CADM2: variants seen among roughly 807,000 people sequenced by gnomAD.
The protein encoded by CADM2 is cell adhesion molecule 2, also known as immunoglobulin superfamily member 4D.
A neutral mutation model predicts 49.8 loss-of-function variants in CADM2; 12 were observed. The ratio of observed to expected loss-of-function variants is 0.24; its 90% CI spans 0.15 to 0.39. CADM2 has a LOEUF of 0.39. Among genes scored for constraint, CADM2 ranks in the 10% least tolerant of loss-of-function variants. The pLI is 1.00. For missense variants in CADM2, 378 were observed against 492.3 expected (o/e 0.77, Z 2.20); for synonymous variants, 214 against 175.4 (o/e 1.22, Z -1.74).
At chr3:85,304,255 C>T (rs1027879309) in intron 1 of CADM2, among the ~76,000 whole-genome samples, 3 of 151,660 alleles carry the variant, frequency 2.0e-5, no homozygotes, top group Non-Finnish European at 1.5e-5. Context: ...TTATTCTTAC[C>T]GTACTCCTTC....
chr3:85,549,448 C>G (rs2061745709), intron 1 of CADM2, among the ~76,000 whole-genome samples: 1 of 152,040 alleles, frequency 6.6e-6, no homozygotes, highest in African/African-American at 2.4e-5. Context: ...ATAACAAGAA[C>G]TATAGATATC....
At chr3:86,052,705 G>C (rs1046293659) in intron 8 of CADM2, among the ~76,000 whole-genome samples, 1 of 151,860 alleles carries the variant, frequency 6.6e-6, no homozygotes, top group Non-Finnish European at 1.5e-5. Context: ...TTTTGTTATA[G>C]GCTTAGTTAG....
At chr3:85,479,271 A>G (rs2039111015) in intron 1 of CADM2, among the ~76,000 whole-genome samples, 1 of 151,894 alleles carries the variant, frequency 6.6e-6, no homozygotes, top group African/African-American at 2.4e-5. Context: ...GTATGAAAAT[A>G]TAACTACTTG....
intron 1 of CADM2, among the ~76,000 whole-genome samples, chr3:85,668,866 C>T (rs2065653221): frequency 6.6e-6 from 1 of 152,068 alleles, no homozygotes; most frequent in Non-Finnish European, 1.5e-5. Flanking sequence ...TGCAATGTCT[C>T]TGGATATTCA....
chr3:85,585,815 A>G (rs1365273794), intron 1 of CADM2, among the ~76,000 whole-genome samples: 1 of 152,032 alleles, frequency 6.6e-6, no homozygotes. Flanking sequence ...TGTTTTAGCC[A>G]GCTGAGCCCT....
At chr3:85,885,035 A>G (rs1016210530) in intron 4 of CADM2, among the ~76,000 whole-genome samples, 1 of 151,736 alleles carries the variant, frequency 6.6e-6, no homozygotes, top group African/African-American at 2.4e-5. Flanking sequence ...TACAGAGATG[A>G]TAATATTCTT....
intron 8 of CADM2, among the ~76,000 whole-genome samples, chr3:86,056,967 T>C (rs1277859050): frequency 6.6e-6 from 1 of 152,208 alleles, no homozygotes; most frequent in Non-Finnish European, 1.5e-5. Context: ...TGAAAATCTG[T>C]TGTATGATGT....
At chr3:85,297,386 G>C (rs1396191513) in intron 1 of CADM2, among the ~76,000 whole-genome samples, 1 of 152,072 alleles carries the variant, frequency 6.6e-6, no homozygotes, top group African/African-American at 2.4e-5. Flanking sequence ...AATAGCTAGA[G>C]GTAGAGAGAT....
intron 8 of CADM2, among the ~76,000 whole-genome samples, chr3:85,977,235 T>A (rs1158748106): frequency 6.6e-6 from 1 of 151,320 alleles, no homozygotes; most frequent in Non-Finnish European, 1.5e-5. Flanking sequence ...AATTCAGTGA[T>A]GGGGCTGATT....
chr3:85,466,492 T>C (rs1041237351), intron 1 of CADM2, among the ~76,000 whole-genome samples: 1 of 152,192 alleles, frequency 6.6e-6, no homozygotes, highest in Non-Finnish European at 1.5e-5. Context: ...AATAAGGTAG[T>C]TGCCATTTTT....
At chr3:85,140,438 G>A (rs1378637095) in intron 1 of CADM2, among the ~76,000 whole-genome samples, 1 of 152,138 alleles carries the variant, frequency 6.6e-6, no homozygotes, top group Non-Finnish European at 1.5e-5. Context: ...TAACTCGTAT[G>A]ACTTGATCTA....
chr3:86,028,586 A>G (rs73843578), intron 8 of CADM2, among the ~76,000 whole-genome samples: 3,115 of 152,248 alleles, frequency 0.02, 86 homozygotes, highest in African/African-American at 0.061. Flanking sequence ...TTGAAGCCAG[A>G]GCAGTGGATT....
At chr3:85,759,678 C>T (rs559706484) in intron 2 of CADM2, among the ~76,000 whole-genome samples, 5 of 152,258 alleles carry the variant, frequency 3.3e-5, no homozygotes, top group Middle Eastern at 6.8e-3. Flanking sequence ...ATTGCTACAT[C>T]TAGCTGCAAG....
At chr3:85,714,178 A>G (rs2067206167) in intron 1 of CADM2, among the ~76,000 whole-genome samples, 1 of 152,164 alleles carries the variant, frequency 6.6e-6, no homozygotes, top group South Asian at 2.1e-4. Context: ...GAATCCCTTA[A>G]ATTATTCCTA....
intron 1 of CADM2, among the ~76,000 whole-genome samples, chr3:85,194,685 TA>T (rs1451484339): frequency 6.6e-6 from 1 of 152,024 alleles, no homozygotes; most frequent in Non-Finnish European, 1.5e-5. Flanking sequence ...CTATTATTGT[TA>T]TGGGGACTTT....
intron 1 of CADM2, among the ~76,000 whole-genome samples, chr3:85,262,980 T>C (rs2043045036): frequency 6.6e-6 from 1 of 150,934 alleles, no homozygotes. Context: ...ATTTATCTTT[T>C]TCTTTCTTTC....
intron 2 of CADM2, among the ~76,000 whole-genome samples, chr3:85,770,685 G>A (rs910294093): frequency 5.3e-5 from 8 of 152,130 alleles, no homozygotes; most frequent in Admixed American, 5.2e-4. Context: ...TTGTCTAGAT[G>A]AAAGCAGCAA....
intron 1 of CADM2, among the ~76,000 whole-genome samples, chr3:85,402,476 C>G (rs1293795891): frequency 1.3e-5 from 2 of 152,016 alleles, no homozygotes; most frequent in Non-Finnish European, 2.9e-5. Context: ...TTATTTTACT[C>G]TGTAGAATGT....
At chr3:85,491,906 C>T (rs991587601) in intron 1 of CADM2, among the ~76,000 whole-genome samples, 1 of 150,328 alleles carries the variant, frequency 6.7e-6, no homozygotes, top group Non-Finnish European at 1.5e-5. Flanking sequence ...GAGCGGAGAT[C>T]GCGCCACTGC....
Sources: gnomAD v4.1 joint callset for allele counts (sites outside exome capture counted in the v4.1 genomes callset) on GRCh38, gnomAD v4.1.1 for gene constraint, MANE v1.5 for transcripts, NCBI Gene and HGNC (gene_info 2026-07-23, HGNC 2026-07-21) for gene names.